Variants in SYT2 observed in about 807,000 individuals in gnomAD.
SYT2 encodes synaptotagmin-2.
Under a neutral mutation model 39.9 loss-of-function variants are expected in SYT2, and 15 were observed. That is an observed-to-expected ratio of 0.38 (90% CI 0.25 to 0.58). The LOEUF is 0.58. SYT2 is among the 20% of genes least tolerant of loss of function. The pLI is 0.70. For missense variants in SYT2, 389 were observed against 530.3 expected (o/e 0.73, Z 2.62); for synonymous variants, 181 against 204.5 (o/e 0.89, Z 0.98).
intron 1 of SYT2, among the ~76,000 whole-genome samples, chr1:202,672,924 T>C (rs1013625328): frequency 6.6e-6 from 1 of 151,460 alleles, no homozygotes; most frequent in African/African-American, 2.4e-5. Flanking sequence ...TCTAGACATA[T>C]CACAGGAAAA....
At chr1:202,627,414 C>T (rs1691447528) in intron 1 of SYT2, 1 of 984,626 alleles carries the variant, frequency 1.0e-6, no homozygotes, top group Non-Finnish European at 1.2e-6. Context: ...CCATCAAGCT[C>T]CCTGCTAAAG....
At chr1:202,668,517 G>A (rs1345116860) in intron 1 of SYT2, among the ~76,000 whole-genome samples, 1 of 152,178 alleles carries the variant, frequency 6.6e-6, no homozygotes, top group African/African-American at 2.4e-5. Flanking sequence ...AAGCTCTGGG[G>A]CAAATAGAGA....
chr1:202,677,961 A>T (rs549297626), intron 1 of SYT2, among the ~76,000 whole-genome samples: 1 of 152,284 alleles, frequency 6.6e-6, no homozygotes, highest in African/African-American at 2.4e-5. Flanking sequence ...AAACATTAAC[A>T]TTTGTTATTT....
Position 202,710,364 on chromosome 1 carries a change from C to T in SYT2, c.-124G>A, listed in dbSNP as rs988591824. 1.3e-5 allele frequency: 2 copies of T among 152,392 alleles called. No individual in the cohort carries two copies. Among genetic ancestry groups the T allele is most frequent in the Non-Finnish European group, 2.9e-5 (2 of 68,154 alleles). 9.4% of individuals were successfully genotyped at this position (152,392 alleles called of 1,614,324 possible). On this transcript the variant is annotated 5_prime_UTR_variant, in exon 1 of 9. Coordinates refer to ENST00000367268, the MANE Select transcript of SYT2 (RefSeq NM_177402.5). Reference sequence around the variant, plus strand: ...CGACGGTTTCGCAGGGGCGCCCGTTCCCCTGGGGGCGCGAAGTCCCCGCTC... The same window carrying T: ...CGACGGTTTCGCAGGGGCGCCCGTTTCCCTGGGGGCGCGAAGTCCCCGCTC...
chr1:202,698,301 G>A (rs562942942), intron 1 of SYT2, among the ~76,000 whole-genome samples: 3 of 152,234 alleles, frequency 2.0e-5, no homozygotes, highest in South Asian at 4.1e-4. Flanking sequence ...AAGGAGCCAC[G>A]TGCCAGGGCA....
intron 1 of SYT2, among the ~76,000 whole-genome samples, chr1:202,690,199 T>C (rs765520207): frequency 1.3e-5 from 2 of 151,952 alleles, no homozygotes; most frequent in African/African-American, 2.4e-5. Flanking sequence ...CTCTGAAAAG[T>C]GTATGCAGTC....
intron 1 of SYT2, among the ~76,000 whole-genome samples, chr1:202,663,122 G>GT (rs1284493613): frequency 6.6e-6 from 1 of 152,156 alleles, no homozygotes; most frequent in East Asian, 1.9e-4. Context: ...AGCAATCAAG[G>GT]TATCAGCCCA....
At chr1:202,597,136 C>G (rs1690327948) in intron 8 of SYT2, among the ~76,000 whole-genome samples, 173 bp from the exon 9 acceptor site, 1 of 149,470 alleles carries the variant, frequency 6.7e-6, no homozygotes. Flanking sequence ...AGAGGCCACG[C>G]CTTTGGCAGC....
chr1:202,643,134 C>G (rs1233341712), intron 1 of SYT2: 1 of 152,386 alleles, frequency 6.6e-6, no homozygotes, highest in Non-Finnish European at 1.5e-5. Flanking sequence ...GCACCAAGTC[C>G]CAAAAGTCGG....
intron 1 of SYT2, among the ~76,000 whole-genome samples, chr1:202,622,447 G>A (rs1327706888): frequency 1.3e-5 from 2 of 152,210 alleles, no homozygotes; most frequent in African/African-American, 4.8e-5. Flanking sequence ...CCCTGGGGAA[G>A]CTAACAACTC....
chr1:202,703,575 C>T (rs750638389), intron 1 of SYT2, among the ~76,000 whole-genome samples: 1 of 152,100 alleles, frequency 6.6e-6, no homozygotes, highest in Non-Finnish European at 1.5e-5. Flanking sequence ...CCTCCATCAC[C>T]ACTCTCCTAA....
chr1:202,699,416 T>G (rs562451817), intron 1 of SYT2, among the ~76,000 whole-genome samples: 1 of 152,288 alleles, frequency 6.6e-6, no homozygotes, highest in Admixed American at 6.5e-5. Context: ...CCCCAAACAG[T>G]GGACCACCTG....
At chr1:202,600,634 C>G (rs913971232) in intron 6 of SYT2, among the ~76,000 whole-genome samples, 160 bp from the exon 7 acceptor site, 10 of 152,256 alleles carry the variant, frequency 6.6e-5, no homozygotes, top group Non-Finnish European at 1.5e-4. Context: ...CTTCCAGCAT[C>G]TGACCTTGGG....
intron 1 of SYT2, among the ~76,000 whole-genome samples, chr1:202,634,633 A>G (rs963380530): frequency 1.3e-5 from 2 of 152,236 alleles, no homozygotes; most frequent in African/African-American, 4.8e-5. Flanking sequence ...TCAACCAAAC[A>G]TCCATCAACT....
At chr1:202,631,523 A>G (rs1475601355) in intron 1 of SYT2, among the ~76,000 whole-genome samples, 2 of 152,090 alleles carry the variant, frequency 1.3e-5, no homozygotes, top group Non-Finnish European at 2.9e-5. Flanking sequence ...GAGGAAAAAA[A>G]TCACACCACA....
intron 1 of SYT2, among the ~76,000 whole-genome samples, chr1:202,691,091 C>G (rs1215508709): frequency 1.3e-5 from 2 of 152,204 alleles, no homozygotes; most frequent in African/African-American, 2.4e-5. Flanking sequence ...GAAATGGTCA[C>G]TTGGCATCTC....
intron 1 of SYT2, among the ~76,000 whole-genome samples, chr1:202,661,557 A>G (rs1298366036): frequency 6.6e-6 from 1 of 152,142 alleles, no homozygotes; most frequent in South Asian, 2.1e-4. Flanking sequence ...TGGTTGCCCT[A>G]TGCCACTCGG....
intron 1 of SYT2, chr1:202,632,027 G>A: frequency 1.0e-6 from 1 of 985,362 alleles, no homozygotes; most frequent in Non-Finnish European, 1.2e-6. Flanking sequence ...GACCACAAGA[G>A]CTTCCTTTAT....
At chr1:202,610,258 G>A (rs935237475) in intron 1 of SYT2, among the ~76,000 whole-genome samples, 8 of 152,078 alleles carry the variant, frequency 5.3e-5, no homozygotes, top group Admixed American at 3.3e-4. Flanking sequence ...CTCTGTTTTG[G>A]TACCAGTACC....
Sources: gnomAD v4.1 joint callset for allele counts (sites outside exome capture counted in the v4.1 genomes callset) on GRCh38, gnomAD v4.1.1 for gene constraint, MANE v1.5 for transcripts, NCBI Gene and HGNC (gene_info 2026-07-23, HGNC 2026-07-21) for gene names.